Variants in NBEA observed in about 807,000 individuals in gnomAD.
NBEA encodes lysosomal-trafficking regulator 2.
A neutral mutation model predicts 343.4 loss-of-function variants in NBEA; 44 were observed. That is an observed-to-expected ratio of 0.13 (90% confidence interval 0.10 to 0.16). NBEA has a LOEUF of 0.16. NBEA is among the 10% of genes least tolerant of loss of function. NBEA has a pLI of 1.00. For missense variants in NBEA, 2,555 were observed against 3,631.3 expected, an observed-to-expected ratio of 0.70 and a Z score of 7.62; for synonymous variants, 1,175 against 1,238.7, an observed-to-expected ratio of 0.95 and a Z score of 1.08.
intron 18 of NBEA, among the ~76,000 whole-genome samples, chr13:35,143,533 T>G (rs941370201): frequency 6.6e-6 from 1 of 152,196 alleles, no homozygotes; most frequent in African/African-American, 2.4e-5. Flanking sequence ...TACAAGGGCA[T>G]TATAGTCATG....
chr13:35,451,200 T>C (rs1025004489), intron 39 of NBEA, among the ~76,000 whole-genome samples: 2 of 152,186 alleles, frequency 1.3e-5, no homozygotes, highest in Non-Finnish European at 2.9e-5. Context: ...CTCGGCTCAC[T>C]GCAAGCTCCG....
chr13:35,045,068 A>G (rs1336458776), intron 3 of NBEA, 21 bp downstream of exon 3: 1 of 1,579,668 alleles, frequency 6.3e-7, no homozygotes, highest in Admixed American at 1.8e-5. Flanking sequence ...GTCGGAGGGA[A>G]AGGTATTCAG....
intron 23 of NBEA, among the ~76,000 whole-genome samples, chr13:35,162,390 T>C (rs797053): frequency 8.5e-5 from 13 of 152,176 alleles, no homozygotes; most frequent in African/African-American, 3.1e-4. Flanking sequence ...CAAGGGCAAC[T>C]TAAATGATCT....
intron 37 of NBEA, among the ~76,000 whole-genome samples, chr13:35,350,505 C>T (rs937624934): frequency 3.7e-4 from 56 of 152,022 alleles, no homozygotes; most frequent in African/African-American, 1.2e-3. Context: ...ACCAATTTTT[C>T]ACTCTTAGGA....
At chr13:35,540,175 C>T (rs1483947817) in intron 41 of NBEA, among the ~76,000 whole-genome samples, 1 of 151,328 alleles carries the variant, frequency 6.6e-6, no homozygotes, top group Non-Finnish European at 1.5e-5. Flanking sequence ...AAAATCAGAC[C>T]CTATTACCTA....
intron 38 of NBEA, among the ~76,000 whole-genome samples, chr13:35,423,503 T>G (rs866485337): frequency 1.3e-5 from 2 of 152,098 alleles, no homozygotes; most frequent in East Asian, 3.9e-4. Flanking sequence ...TGTTCCATTG[T>G]TCTATATCTC....
At chr13:35,376,242 G>C (rs769885523) in intron 38 of NBEA, among the ~76,000 whole-genome samples, 5 of 151,960 alleles carry the variant, frequency 3.3e-5, no homozygotes, top group African/African-American at 1.2e-4. Flanking sequence ...GTTGCTGTCT[G>C]GTATTTGTTC....
chr13:35,369,310 T>A (rs571252925), intron 38 of NBEA, among the ~76,000 whole-genome samples: 1 of 151,504 alleles, frequency 6.6e-6, no homozygotes, highest in African/African-American at 2.4e-5. Flanking sequence ...CTTTTGAAGT[T>A]AGGTAGTGTG....
At position 35,156,219 on chromosome 13, in the gene NBEA, G is replaced by T. The variant is rs749860947; in HGVS notation, c.2651+13G>T. The T allele has an allele frequency of 6.4e-7, 1 of 1,557,290 alleles. No individual in the cohort carries two copies. The highest frequency in any genetic ancestry group is 2.3e-5 in the East Asian group (1 of 43,684). ...GTGAAAATAGAAGGTAAGCAGTTTG[G>T]ATACTGTAACAACACTTTATTCCAT... On this transcript the variant is annotated intron_variant, in intron 20 of 58. Coordinates refer to ENST00000379939, the MANE Select transcript of NBEA (RefSeq NM_001385012.1).
chr13:35,348,590 G>A (rs2040008570), intron 36 of NBEA, among the ~76,000 whole-genome samples: 1 of 152,008 alleles, frequency 6.6e-6, no homozygotes, highest in African/African-American at 2.4e-5. Context: ...AAGAATTTTA[G>A]ATGTCATTTA....
At chr13:35,638,178 G>A (rs1189030139) in intron 49 of NBEA, among the ~76,000 whole-genome samples, 1 of 152,166 alleles carries the variant, frequency 6.6e-6, no homozygotes, top group Non-Finnish European at 1.5e-5. Flanking sequence ...GAGTTCTGGA[G>A]ATTGGTTACA....
At position 35,309,192 on chromosome 13, in the gene NBEA, C is replaced by T. The variant is rs2037194404; in HGVS notation, c.5839-336C>T. Among the ~76,000 whole-genome samples, 4 of 151,930 alleles carry T rather than the reference C, an allele frequency of 2.6e-5. No individual in the cohort carries two copies. In the South Asian group the frequency reaches 8.3e-4, roughly 32 times the overall value. ...CTAAAGTTTTCTATCCCAAATATTT[C>T]TAGTCCTTGTGTAGTCACATTAGGT... On this transcript the variant is annotated intron_variant, in intron 35 of 58. Transcript: ENST00000379939.
intron 10 of NBEA, among the ~76,000 whole-genome samples, chr13:35,074,640 A>G (rs931617719): frequency 1.3e-5 from 2 of 152,170 alleles, no homozygotes; most frequent in Non-Finnish European, 2.9e-5. Flanking sequence ...GTAGTGGTAC[A>G]TGGCATTTAT....
chr13:34,954,391 C>T (rs1331531298), intron 1 of NBEA, among the ~76,000 whole-genome samples: 1 of 152,148 alleles, frequency 6.6e-6, no homozygotes, highest in African/African-American at 2.4e-5. Flanking sequence ...TAGTATCTGG[C>T]ATTTTGTGGT....
chr13:35,585,671 A>G (rs1048949039), intron 46 of NBEA, among the ~76,000 whole-genome samples: 4 of 151,942 alleles, frequency 2.6e-5, no homozygotes, highest in Non-Finnish European at 4.4e-5. Flanking sequence ...AGATATTTCT[A>G]CCTGAACATC....
chr13:35,514,114 G>GA (rs936198308), intron 41 of NBEA, among the ~76,000 whole-genome samples: 146 of 135,390 alleles, frequency 1.1e-3, no homozygotes, highest in Admixed American at 1.3e-3. Context: ...TACTCCTTTA[G>GA]AAAAAAAAAA....
chr13:35,386,808 C>G (rs1404951827), intron 38 of NBEA, among the ~76,000 whole-genome samples: 1 of 151,960 alleles, frequency 6.6e-6, no homozygotes, highest in Non-Finnish European at 1.5e-5. Flanking sequence ...TGTGGCTGCC[C>G]TAAGCTTATA....
At chr13:35,225,765 C>A (rs1782444055) in intron 33 of NBEA, among the ~76,000 whole-genome samples, 1 of 152,084 alleles carries the variant, frequency 6.6e-6, no homozygotes, top group South Asian at 2.1e-4. Context: ...TTAGCAAGTT[C>A]ATGCATCCTA....
At chr13:35,646,495 A>G in intron 51 of NBEA, 147 bp downstream of exon 51, 1 of 638,456 alleles carries the variant, frequency 1.6e-6, no homozygotes, top group Non-Finnish European at 2.7e-6. Context: ...CTAATACCCC[A>G]GGGAGAGACA....
Sources: allele counts gnomAD v4.1 joint callset (sites outside exome capture counted in the v4.1 genomes callset), GRCh38; gene constraint gnomAD v4.1.1; transcripts MANE v1.5; gene names NCBI Gene and HGNC (gene_info 2026-07-23, HGNC 2026-07-21).